Variants in COLEC10 observed in about 807,000 individuals in gnomAD.
COLEC10 encodes collectin subfamily member 10, also known as collectin-10.
Under a neutral mutation model 28.4 loss-of-function variants are expected in COLEC10, and 22 were observed. The observed-to-expected ratio is 0.78, with a 90% CI of 0.55 to 1.11. The LOEUF (loss-of-function observed/expected upper bound fraction) is 1.11, where lower values mean the gene tolerates loss of function less well. Among genes scored for constraint, COLEC10 ranks in the 50% least tolerant of loss-of-function variants. The pLI is 0.00. For missense variants in COLEC10, 361 were observed against 344.1 expected (o/e 1.05, Z -0.39); for synonymous variants, 125 against 116.1 (o/e 1.08, Z -0.49).
chr8:119,083,130 C>T (rs546488338), intron 1 of COLEC10, among the ~76,000 whole-genome samples: 12 of 152,308 alleles, frequency 7.9e-5, no homozygotes, highest in African/African-American at 2.9e-4. Flanking sequence ...CAGGGGAATT[C>T]ATAGACCCAT....
At chr8:119,049,569 C>A (rs1278850762) in intron 2 of COLEC10, among the ~76,000 whole-genome samples, 1 of 151,760 alleles carries the variant, frequency 6.6e-6, no homozygotes, top group African/African-American at 2.4e-5. Context: ...CGCCCACCAC[C>A]ACACCCGGCT....
chr8:118,983,713 G>A, the COLEC10 span, among the ~76,000 whole-genome samples: 1 of 152,202 alleles, frequency 6.6e-6, no homozygotes, highest in Middle Eastern at 3.4e-3. Context: ...CTTACATGCA[G>A]CCAACAAGCA....
intron 1 of COLEC10, among the ~76,000 whole-genome samples, chr8:119,069,092 C>A (rs560016942): frequency 5.9e-5 from 9 of 152,174 alleles, no homozygotes; most frequent in Admixed American, 5.2e-4. Flanking sequence ...AGATAAGTAA[C>A]CTGTCCTAGC....
chr8:118,970,719 A>G, the COLEC10 span, among the ~76,000 whole-genome samples: 2 of 151,614 alleles, frequency 1.3e-5, no homozygotes, highest in South Asian at 2.1e-4. Flanking sequence ...TTTGAATGAT[A>G]TAATATCCTT....
At chr8:118,964,945 G>A in the COLEC10 span, among the ~76,000 whole-genome samples, 1 of 152,164 alleles carries the variant, frequency 6.6e-6, no homozygotes, top group Non-Finnish European at 1.5e-5. Context: ...GGAATTGAAA[G>A]CAAAGGGTCA....
At chr8:119,010,707 T>C (rs1276922109) in intron 2 of COLEC10, among the ~76,000 whole-genome samples, 1 of 151,174 alleles carries the variant, frequency 6.6e-6, no homozygotes, top group Non-Finnish European at 1.5e-5. Flanking sequence ...AATGGGTTTG[T>C]AAAGGTAACT....
chr8:119,049,401 CTTTTTTTTTTTTTTTTTTT>C (rs34885340), intron 2 of COLEC10, among the ~76,000 whole-genome samples: 2 of 60,072 alleles, frequency 3.3e-5, no homozygotes, highest in Admixed American at 2.4e-4. Flanking sequence ...ATTTTCTTTT[CTTTTTTTTTTTTTTTTTTT>C]TTTTTTTTTT....
chr8:119,041,205 A>G (rs1055173517), intron 2 of COLEC10, among the ~76,000 whole-genome samples: 1 of 152,094 alleles, frequency 6.6e-6, no homozygotes, highest in African/African-American at 2.4e-5. Context: ...CTAGTGCTGC[A>G]TGTACTGCCT....
upstream of COLEC10, chr8:119,067,228 A>G: frequency 6.3e-7 from 1 of 1,585,678 alleles, no homozygotes; most frequent in Non-Finnish European, 8.6e-7. Flanking sequence ...TTTATTTAAA[A>G]TAAAGCTGTT....
chr8:119,101,029 A>T (rs1815814393), intron 3 of COLEC10, among the ~76,000 whole-genome samples: 1 of 152,202 alleles, frequency 6.6e-6, no homozygotes, highest in Non-Finnish European at 1.5e-5. Flanking sequence ...TCAGACAATG[A>T]TGAGAAAAGC....
At chr8:119,075,056 T>C (rs1815200905) in intron 1 of COLEC10, among the ~76,000 whole-genome samples, 2 of 152,188 alleles carry the variant, frequency 1.3e-5, no homozygotes, top group Non-Finnish European at 2.9e-5. Flanking sequence ...AGAATGAGAT[T>C]GTGTTTCCTG....
chr8:119,073,961 C>CATATATATACACGTATAT (rs139009488), intron 1 of COLEC10, among the ~76,000 whole-genome samples: 2 of 114,892 alleles, frequency 1.7e-5, no homozygotes, highest in African/African-American at 8.6e-5. Context: ...CATATATACA[C>CATATATATACACGTATAT]ATATACACAT....
At chr8:119,045,411 A>G (rs1814569839) in intron 2 of COLEC10, among the ~76,000 whole-genome samples, 1 of 152,250 alleles carries the variant, frequency 6.6e-6, no homozygotes, top group African/African-American at 2.4e-5. Flanking sequence ...TTCAGCCCAC[A>G]GCACAGCAGC....
At chr8:119,064,434 C>G (rs1814915267), upstream of COLEC10, among the ~76,000 whole-genome samples, 1 of 152,028 alleles carries the variant, frequency 6.6e-6, no homozygotes, top group Non-Finnish European at 1.5e-5. Flanking sequence ...TGAAAATAAA[C>G]AAATAGTGAA....
At chr8:119,089,336 T>C (rs1815542929) in intron 1 of COLEC10, among the ~76,000 whole-genome samples, 1 of 152,100 alleles carries the variant, frequency 6.6e-6, no homozygotes, top group African/African-American at 2.4e-5. Context: ...TGTGTGTGTG[T>C]GTGCGTGTGT....
intron 2 of COLEC10, among the ~76,000 whole-genome samples, chr8:119,090,898 C>T (rs921694623): frequency 6.6e-6 from 1 of 152,160 alleles, no homozygotes. Flanking sequence ...CATAGTCATT[C>T]TAGAAATACT....
chr8:118,952,404 C>G, the COLEC10 span, among the ~76,000 whole-genome samples: 1 of 152,266 alleles, frequency 6.6e-6, no homozygotes, highest in African/African-American at 2.4e-5. Flanking sequence ...ACCCGGCTGC[C>G]TGACCCCTTC....
At chr8:119,074,384 C>T (rs1026628555) in intron 1 of COLEC10, among the ~76,000 whole-genome samples, 2 of 152,026 alleles carry the variant, frequency 1.3e-5, no homozygotes, top group Non-Finnish European at 2.9e-5. Context: ...CAAAATATCT[C>T]ATGCACCCCA....
At chr8:118,982,952 T>A in the COLEC10 span, 2 of 152,298 alleles carry the variant, frequency 1.3e-5, no homozygotes, top group East Asian at 3.9e-4. Context: ...TCCTCTGATT[T>A]ATTTAGCCAG....
Sources: allele counts gnomAD v4.1 joint callset (sites outside exome capture counted in the v4.1 genomes callset), GRCh38; gene constraint gnomAD v4.1.1; transcripts MANE v1.5; gene names NCBI Gene and HGNC (gene_info 2026-07-23, HGNC 2026-07-21).